DCLK2: variants seen among roughly 807,000 people sequenced by gnomAD.
The protein encoded by DCLK2 is doublecortin like kinase 2.
A neutral mutation model predicts 78.4 loss-of-function variants in DCLK2; 31 were observed. The ratio of observed to expected loss-of-function variants is 0.40; its 90% CI spans 0.30 to 0.53. The LOEUF (loss-of-function observed/expected upper bound fraction) is 0.53, where lower values mean the gene tolerates loss of function less well. Among genes scored for constraint, DCLK2 ranks in the 20% least tolerant of loss-of-function variants. The pLI is 0.61. For missense variants in DCLK2, 872 were observed against 973.7 expected (o/e 0.90, Z 1.39); for synonymous variants, 407 against 374.9 (o/e 1.09, Z -0.99).
intron 1 of DCLK2, among the ~76,000 whole-genome samples, chr4:150,097,885 G>T (rs781227909): frequency 1.2e-4 from 19 of 152,198 alleles, no homozygotes; most frequent in Non-Finnish European, 2.5e-4. Flanking sequence ...TTGAAAGAGA[G>T]AGAAGGCAGG....
chr4:150,082,323 GT>G (rs1362071748), intron 1 of DCLK2, among the ~76,000 whole-genome samples: 1 of 152,158 alleles, frequency 6.6e-6, no homozygotes, highest in Non-Finnish European at 1.5e-5. Flanking sequence ...TAAGAGGTAT[GT>G]TTTTTTCTGA....
At chr4:150,143,635 G>A (rs1458835933) in intron 2 of DCLK2, among the ~76,000 whole-genome samples, 1 of 152,128 alleles carries the variant, frequency 6.6e-6, no homozygotes. Flanking sequence ...TCTTCATTCT[G>A]TTTTCCATAC....
At chr4:150,152,529 GC>G (rs1734975839) in intron 2 of DCLK2, among the ~76,000 whole-genome samples, 2 of 152,130 alleles carry the variant, frequency 1.3e-5, no homozygotes, top group African/African-American at 4.8e-5. Context: ...TGATCTGCCC[GC>G]CTCAGCCTCC....
chr4:150,179,383 T>G (rs1166353574), intron 2 of DCLK2, among the ~76,000 whole-genome samples: 1 of 152,210 alleles, frequency 6.6e-6, no homozygotes, highest in Non-Finnish European at 1.5e-5. Context: ...AGTCCCACTG[T>G]AGTAGAATGT....
At chr4:150,182,219 TGA>T (rs1240306412) in intron 2 of DCLK2, among the ~76,000 whole-genome samples, 1 of 152,036 alleles carries the variant, frequency 6.6e-6, no homozygotes, top group East Asian at 1.9e-4. Context: ...GCTAATTTTT[TGA>T]TTTTCTGTAG....
At chr4:150,225,615 A>G (rs1741542373) in intron 8 of DCLK2, among the ~76,000 whole-genome samples, 1 of 152,224 alleles carries the variant, frequency 6.6e-6, no homozygotes, top group Admixed American at 6.5e-5. Flanking sequence ...AATACACACC[A>G]GATTTTGAAG....
intron 5 of DCLK2, among the ~76,000 whole-genome samples, chr4:150,213,490 ATAC>A (rs1740462570): frequency 6.6e-6 from 1 of 152,188 alleles, no homozygotes; most frequent in South Asian, 2.1e-4. Flanking sequence ...AGCATTTATA[ATAC>A]TTTACACTGG....
At chr4:150,218,100 C>A (rs1740878355) in intron 5 of DCLK2, among the ~76,000 whole-genome samples, 1 of 149,300 alleles carries the variant, frequency 6.7e-6, no homozygotes, top group African/African-American at 2.5e-5. Flanking sequence ...CCCCCTCCCC[C>A]CACAACGAGG....
At chr4:150,216,317 T>C (rs1740714873) in intron 5 of DCLK2, among the ~76,000 whole-genome samples, 1 of 152,202 alleles carries the variant, frequency 6.6e-6, no homozygotes, top group Non-Finnish European at 1.5e-5. Context: ...GTAAAGCATC[T>C]TCTGCTCTGT....
rs57146406 is a variant in DCLK2 at position 150,091,769 on chromosome 4, ATGTGTGTGTGTGTGTGTGTGTGTG to A, written c.422-10693_422-10670del. ...GTTCTTTGTCCTAAAAGGAACATTT[ATGTGTGTGTGTGTGTGTGTGTGTG>A]TGTGTGTGTGTGTGTATTTGTGTTA... On this transcript the variant is annotated intron_variant, in intron 1 of 15. Coordinates refer to ENST00000296550, the MANE Select transcript of DCLK2 (RefSeq NM_001040260.4). 7.8e-4 allele frequency among the ~76,000 whole-genome samples: 91 copies of A among 117,112 alleles called. 2 individuals are homozygous for A. The highest frequency in any genetic ancestry group is 1.5e-3 in the Non-Finnish European group (73 of 49,456). 76.8% of individuals were successfully genotyped at this position (117,112 alleles called of 152,430 possible).
chr4:150,237,732 G>GA (rs774602170), intron 10 of DCLK2, among the ~76,000 whole-genome samples: 59 of 152,126 alleles, frequency 3.9e-4, no homozygotes, highest in Non-Finnish European at 6.9e-4. Flanking sequence ...TGCTTATCTT[G>GA]AAAAAACATC....
At chr4:150,218,710 A>G (rs1167015348) in intron 5 of DCLK2, among the ~76,000 whole-genome samples, 1 of 152,108 alleles carries the variant, frequency 6.6e-6, no homozygotes, top group Non-Finnish European at 1.5e-5. Context: ...TGGCCTGACC[A>G]TGTGGGGCTG....
intron 2 of DCLK2, among the ~76,000 whole-genome samples, chr4:150,150,347 C>G (rs1460733404): frequency 3.9e-5 from 6 of 152,058 alleles, no homozygotes; most frequent in East Asian, 3.9e-4. Context: ...CTCAGTTTCT[C>G]CTGTGAAGTG....
At chr4:150,147,103 G>A (rs1257646799) in intron 2 of DCLK2, among the ~76,000 whole-genome samples, 1 of 151,782 alleles carries the variant, frequency 6.6e-6, no homozygotes, top group African/African-American at 2.4e-5. Context: ...GGGCAACATA[G>A]TGAGGCCTGT....
intron 2 of DCLK2, among the ~76,000 whole-genome samples, chr4:150,179,728 G>C (rs1047071119): frequency 6.6e-6 from 1 of 152,142 alleles, no homozygotes; most frequent in Non-Finnish European, 1.5e-5. Context: ...TCAGCAAATA[G>C]AGTCCCATTC....
chr4:150,245,867 G>A (rs1007682964), intron 12 of DCLK2, among the ~76,000 whole-genome samples: 3 of 152,142 alleles, frequency 2.0e-5, no homozygotes, highest in African/African-American at 7.2e-5. Flanking sequence ...CAAGGATCCA[G>A]AACTAGAAAT....
intron 2 of DCLK2, among the ~76,000 whole-genome samples, chr4:150,161,501 T>C (rs989421186): frequency 6.6e-6 from 1 of 152,180 alleles, no homozygotes; most frequent in African/African-American, 2.4e-5. Flanking sequence ...CTTTAGATTA[T>C]ATCAGATAAT....
chr4:150,086,385 T>C (rs1729639169), intron 1 of DCLK2, among the ~76,000 whole-genome samples: 1 of 152,224 alleles, frequency 6.6e-6, no homozygotes, highest in Non-Finnish European at 1.5e-5. Context: ...TATATTTTTC[T>C]TCAAGAAAAA....
chr4:150,156,945 T>A (rs1258157139), intron 2 of DCLK2, among the ~76,000 whole-genome samples: 1 of 151,442 alleles, frequency 6.6e-6, no homozygotes, highest in Non-Finnish European at 1.5e-5. Flanking sequence ...AATTTATTTA[T>A]TTTTTGTAGA....
Sources: gnomAD v4.1 joint callset for allele counts (sites outside exome capture counted in the v4.1 genomes callset) on GRCh38, gnomAD v4.1.1 for gene constraint, MANE v1.5 for transcripts, NCBI Gene and HGNC (gene_info 2026-07-23, HGNC 2026-07-21) for gene names.